The following ADGB variants were observed in gnomAD, a reference collection of about 807,000 sequenced individuals.
ADGB encodes the protein androglobin.
In ADGB, 172 loss-of-function variants were observed where a neutral mutation model predicts 210.5. The observed-to-expected ratio is 0.82, with a 90% CI of 0.72 to 0.93. The LOEUF is 0.93. Among genes scored for constraint, ADGB ranks in the 40% least tolerant of loss-of-function variants. ADGB has a pLI of 0.00. For synonymous variants in ADGB, 658 were observed against 662.7 expected, an observed-to-expected ratio of 0.99 and a Z score of 0.11; for missense variants, 2,025 against 1,964.8, an observed-to-expected ratio of 1.03 and a Z score of -0.58.
chr6:146,738,065 G>C (rs185328170), intron 23 of ADGB, among the ~76,000 whole-genome samples: 1 of 152,168 alleles, frequency 6.6e-6, no homozygotes, highest in Non-Finnish European at 1.5e-5. Context: ...CACAAGACCT[G>C]AAGCTAACCC....
At chr6:146,668,416 A>G (rs770887025) in intron 7 of ADGB, among the ~76,000 whole-genome samples, 11 of 152,090 alleles carry the variant, frequency 7.2e-5, no homozygotes, top group African/African-American at 2.4e-4. Context: ...TGCTTTGTTC[A>G]CATAAAAGTA....
chr6:146,720,471 C>T (rs1223810667), intron 16 of ADGB, among the ~76,000 whole-genome samples: 1 of 152,124 alleles, frequency 6.6e-6, no homozygotes. Flanking sequence ...TTTGATTTTA[C>T]GAAGCACTTT....
rs778628497 is a variant in ADGB, at chr6:146,676,401, C to T, written c.1176C>T (p.Pro392=). Residue 392 remains proline, a synonymous_variant, in exon 9 of 36, where the codon CCC becomes CCT. Transcript: ENST00000397944. ...AATTCTCACTTCATGGTTCAAGACC[C>T]TCATCAGAAGTGCAGTACTCTGTGC... is the stretch of plus-strand genomic sequence containing the variant. ...KFKFSLHGSR[P]SSEVQYSVQS... The T allele has an allele frequency of 2.6e-6, 4 of 1,546,426 alleles. No homozygotes were observed. In the East Asian group the frequency reaches 7.4e-5, roughly 29 times the overall value.
chr6:146,792,859 G>C (rs374748341), intron 33 of ADGB, among the ~76,000 whole-genome samples: 16 of 152,242 alleles, frequency 1.1e-4, no homozygotes, highest in African/African-American at 3.6e-4. Flanking sequence ...TTTGCACCCC[G>C]TTGTGTCTGG....
In ADGB at chr6:146,761,425, T is replaced by C. The variant is rs145639255; in HGVS notation, c.3551-2476T>C. Reference sequence around the variant, plus strand: ...TGTGTGTATAGGTCTACTTTTGGACTCTGGATCAGTTGATCTAAATAACTA... The same window carrying C: ...TGTGTGTATAGGTCTACTTTTGGACCCTGGATCAGTTGATCTAAATAACTA... On this transcript the variant is annotated intron_variant, in intron 27 of 35. Coordinates refer to ENST00000397944, the MANE Select transcript of ADGB (RefSeq NM_024694.4). Among the ~76,000 whole-genome samples, 748 of 152,184 alleles carry C rather than the reference T, an allele frequency of 4.9e-3. 3 individuals carry two copies. The highest frequency in any genetic ancestry group is 0.017 in the African/African-American group (703 of 41,566).
At chr6:146,759,548 G>T (rs1385031532) in intron 27 of ADGB, among the ~76,000 whole-genome samples, 1 of 151,572 alleles carries the variant, frequency 6.6e-6, no homozygotes, top group Non-Finnish European at 1.5e-5. Flanking sequence ...GTTATATTAG[G>T]CTCCTACAGA....
chr6:146,733,559 A>T (rs1489666041), intron 21 of ADGB, among the ~76,000 whole-genome samples: 1 of 152,156 alleles, frequency 6.6e-6, no homozygotes, highest in African/African-American at 2.4e-5. Context: ...TTCTGGCAAG[A>T]TCCTCTGACT....
At chr6:146,626,139 C>T (rs1337910418) in intron 1 of ADGB, among the ~76,000 whole-genome samples, 1 of 151,856 alleles carries the variant, frequency 6.6e-6, no homozygotes, top group African/African-American at 2.4e-5. Context: ...ACACTCTACC[C>T]TCTTGTGATG....
intron 35 of ADGB, among the ~76,000 whole-genome samples, chr6:146,811,342 T>A (rs1476117554): frequency 6.6e-6 from 1 of 152,142 alleles, no homozygotes; most frequent in East Asian, 1.9e-4. Flanking sequence ...TTTATTCTTT[T>A]TAATTGCTGT....
chr6:146,647,701 A>G (rs537027631), intron 3 of ADGB, among the ~76,000 whole-genome samples: 3 of 152,276 alleles, frequency 2.0e-5, no homozygotes, highest in Admixed American at 6.5e-5. Context: ...AAAAAGTTAC[A>G]GGATCTAATG....
At chr6:146,710,744 A>T (rs930446608) in intron 13 of ADGB, among the ~76,000 whole-genome samples, 3 of 152,178 alleles carry the variant, frequency 2.0e-5, no homozygotes, top group Non-Finnish European at 4.4e-5. Flanking sequence ...AGAGACAAAG[A>T]TTATCCAGAA....
chr6:146,807,484 A>C (rs745472058), intron 35 of ADGB: 1 of 1,551,700 alleles, frequency 6.4e-7, no homozygotes, highest in South Asian at 1.2e-5. Flanking sequence ...GAGCACCTAA[A>C]GCTGGAAGCT....
In ADGB at chr6:146,782,058, A is replaced by T. The variant is rs2114643950; in HGVS notation, c.3901A>T (p.Ser1301Cys). 6.6e-7 allele frequency: 1 copy of T among 1,516,128 alleles called. No homozygotes were observed. Among genetic ancestry groups the T allele is most frequent in the East Asian group, 2.5e-5 (1 of 40,280 alleles). 93.9% of individuals were successfully genotyped at this position (1,516,128 alleles called of 1,614,324 possible). The change falls in exon 30 of 36, where the codon AGC becomes TGC. Residue 1301 changes from serine (S) to cysteine (C), a missense_variant. Coordinates refer to ENST00000397944, the MANE Select transcript of ADGB (RefSeq NM_024694.4). ...ERHEELINLG[S>C]PDSHTISEGQ... ...ACACGAGGAGTTAATTAACTTAGGA[A>T]GCCCAGACTCCCACACTATTAGTGA...
intron 17 of ADGB, 28 bp from the exon 18 acceptor site, chr6:146,724,158 C>T (rs1280095510): frequency 1.3e-6 from 2 of 1,531,834 alleles, no homozygotes; most frequent in Non-Finnish European, 1.8e-6. Context: ...CATGATCAAA[C>T]TTTAATACCT....
At chr6:146,632,214 A>C (rs1781076075) in intron 1 of ADGB, among the ~76,000 whole-genome samples, 1 of 152,186 alleles carries the variant, frequency 6.6e-6, no homozygotes, top group African/African-American at 2.4e-5. Flanking sequence ...AGGCTCTAGG[A>C]GAAAATCCAC....
intron 16 of ADGB, among the ~76,000 whole-genome samples, chr6:146,721,067 T>C (rs1776806171): frequency 6.6e-6 from 1 of 152,212 alleles, no homozygotes; most frequent in Admixed American, 6.5e-5. Context: ...AGACCCATGC[T>C]TGAGTACTAC....
At chr6:146,789,818 G>A (rs1777929026) in intron 33 of ADGB, among the ~76,000 whole-genome samples, 1 of 152,098 alleles carries the variant, frequency 6.6e-6, no homozygotes. Context: ...TGACAGAATT[G>A]GCAAATAACT....
At chr6:146,608,339 G>T (rs1467999975) in intron 1 of ADGB, among the ~76,000 whole-genome samples, 1 of 151,634 alleles carries the variant, frequency 6.6e-6, no homozygotes, top group African/African-American at 2.4e-5. Context: ...TGGTTTTGTT[G>T]ATCTCTTGTA....
chr6:146,619,965 G>C (rs2114840709), intron 1 of ADGB, among the ~76,000 whole-genome samples: 1 of 151,882 alleles, frequency 6.6e-6, no homozygotes, highest in Non-Finnish European at 1.5e-5. Flanking sequence ...CAAGTCTGGT[G>C]TTGGTGAATT....
Sources: gnomAD v4.1 joint callset for allele counts (sites outside exome capture counted in the v4.1 genomes callset) on GRCh38, gnomAD v4.1.1 for gene constraint, MANE v1.5 for transcripts, NCBI Gene and HGNC (gene_info 2026-07-23, HGNC 2026-07-21) for gene names.